The following GREB1L variants were observed in gnomAD, a reference collection of about 807,000 sequenced individuals.
GREB1L encodes GREB1-like protein.
Under a neutral mutation model 200.8 loss-of-function variants are expected in GREB1L, and 17 were observed. The ratio of observed to expected loss-of-function variants is 0.08; its 90% CI spans 0.06 to 0.13. GREB1L has a LOEUF of 0.13. Among genes scored for constraint, GREB1L ranks in the 10% least tolerant of loss-of-function variants. GREB1L has a pLI of 1.00. For missense variants in GREB1L, 1,657 were observed against 2,367.7 expected (o/e 0.70, Z 6.23); for synonymous variants, 789 against 893.0 (o/e 0.88, Z 2.08).
At position 21,522,758 on chromosome 18, in the gene GREB1L, G is replaced by A; in HGVS notation, c.5709G>A (p.Glu1903=). Residue 1903 remains glutamate (E), a synonymous_variant, in exon 33 of 33, where the codon GAG becomes GAA. Coordinates refer to ENST00000424526, the MANE Select transcript of GREB1L (RefSeq NM_001142966.3). ...EDEWQFRLRD[E]FQTANSSDDK... ...AGTGGCAGTTCCGCCTCCGGGACGA[G>A]TTTCAAACTGCTAACAGCAGTGATG... 2 of 1,551,678 alleles carry A rather than the reference G, an allele frequency of 1.3e-6. No individual in the cohort carries two copies. The highest frequency in any genetic ancestry group is 2.4e-5 in the South Asian group (2 of 84,064).
Position 21,520,812 on chromosome 18 carries a change from A to C in GREB1L, c.5597A>C (p.Lys1866Thr). 1.3e-6 allele frequency: 2 copies of C among 1,536,510 alleles called. No individual in the cohort carries two copies. Among genetic ancestry groups the C allele is most frequent in the Non-Finnish European group, 1.8e-6 (2 of 1,139,980 alleles). Residue 1866 changes from lysine to threonine, a missense_variant, in exon 32 of 33, where the codon AAA (lysine) becomes ACA (threonine). By Grantham distance (78) the Lys-to-Thr change is moderately conservative. This residue lies in a region of GREB1L where 190 missense variants were observed against 230.2 expected (regional missense o/e 0.83). Coordinates refer to ENST00000424526, the MANE Select transcript of GREB1L (RefSeq NM_001142966.3). ...GTAGGTGCTGATCTTAAGAAATTTA[A>C]ATTTCTAAAAGGTAAGTCAAATTTA... ...SFVGADLKKF[K>T]FLKGATLCVI...
At position 21,383,646 on chromosome 18, in the gene GREB1L, A is replaced by G. The variant is rs761643936; in HGVS notation, c.128A>G (p.Asp43Gly). The stretch of plus-strand genomic sequence containing the variant: ...CCAATTTTTTCCCAGCTATACCTGG[A>G]CCCTGACCAGCATCCTTTCTCATCT... The part of the protein sequence containing the change: ...PRPIFSQLYL[D>G]PDQHPFSSAD... The change falls in exon 3 of 33, where the codon GAC becomes GGC. Residue 43 changes from aspartate to glycine, a missense_variant. Around this residue, in one of 9 missense-constraint regions of GREB1L, gnomAD observed 121 missense variants for 126.6 expected, o/e 0.96. Transcript: ENST00000424526. The G allele has an allele frequency of 1.9e-6, 3 of 1,551,138 alleles. No homozygotes were observed. In the South Asian group the frequency reaches 3.6e-5, roughly 18 times the overall value.
intron 21 of GREB1L, among the ~76,000 whole-genome samples, chr18:21,498,869 G>A (rs1252197925): frequency 1.3e-5 from 2 of 152,196 alleles, no homozygotes; most frequent in African/African-American, 4.8e-5. Flanking sequence ...TGTTCATTCA[G>A]GATCTCCCAA....
At chr18:21,438,565 A>G (rs1239875445) in intron 7 of GREB1L, among the ~76,000 whole-genome samples, 2 of 151,984 alleles carry the variant, frequency 1.3e-5, no homozygotes, top group African/African-American at 4.8e-5. Flanking sequence ...GCTATTTGAG[A>G]GGCTGAAGCA....
At chr18:21,375,190 G>A (rs546764452) in intron 2 of GREB1L, among the ~76,000 whole-genome samples, 12 of 151,558 alleles carry the variant, frequency 7.9e-5, no homozygotes, top group Middle Eastern at 3.4e-3. Context: ...TCAGCCTCCC[G>A]AGTAGCTGGG....
intron 1 of GREB1L, among the ~76,000 whole-genome samples, chr18:21,245,581 GCTTA>G (rs1187551058): frequency 7.9e-5 from 12 of 151,932 alleles, no homozygotes. Flanking sequence ...TTTTTCTATA[GCTTA>G]CTTCCCATTA....
intron 1 of GREB1L, among the ~76,000 whole-genome samples, chr18:21,249,225 G>A (rs1318978508): frequency 6.6e-6 from 1 of 152,044 alleles, no homozygotes; most frequent in East Asian, 1.9e-4. Flanking sequence ...ACATGAGTAT[G>A]ACAGAGCTTT....
At chr18:21,306,438 T>A (rs1439044553) in intron 1 of GREB1L, among the ~76,000 whole-genome samples, 1 of 152,202 alleles carries the variant, frequency 6.6e-6, no homozygotes, top group African/African-American at 2.4e-5. Context: ...TAGCTTTTTC[T>A]CTTGTAATGC....
rs2037673411 is a variant in GREB1L at position 21,525,649 on chromosome 18, A to G, written c.*2828A>G. On this transcript the variant is annotated 3_prime_UTR_variant, in exon 33 of 33. Transcript: ENST00000424526. ...AACAGAACAACTTTGGGTTGCTAAA[A>G]CTAATACAAGGTGTTTGTTATTGTT... Among the ~76,000 whole-genome samples the G allele has an allele frequency of 6.6e-6, 1 of 152,190 alleles. No individual in the cohort carries two copies. The highest frequency in any genetic ancestry group is 6.5e-5 in the Admixed American group (1 of 15,278).
intron 17 of GREB1L, among the ~76,000 whole-genome samples, chr18:21,480,595 G>A (rs940669714): frequency 1.3e-5 from 2 of 152,164 alleles, no homozygotes; most frequent in African/African-American, 4.8e-5. Flanking sequence ...CTGATGATTA[G>A]CGTCCTTTAG....
At chr18:21,446,972 T>C (rs1319439875) in intron 11 of GREB1L, among the ~76,000 whole-genome samples, 5 of 152,234 alleles carry the variant, frequency 3.3e-5, no homozygotes, top group Non-Finnish European at 7.3e-5. Flanking sequence ...ATTTAAACCT[T>C]GACTTTTCCT....
intron 2 of GREB1L, among the ~76,000 whole-genome samples, chr18:21,371,484 T>TA (rs1199085251): frequency 1.4e-5 from 2 of 144,722 alleles, no homozygotes; most frequent in Non-Finnish European, 3.0e-5. Flanking sequence ...TTTTTTTTTT[T>TA]AAAGTAAAAA....
At chr18:21,417,602 C>T (rs1039379669) in intron 7 of GREB1L, among the ~76,000 whole-genome samples, 21 of 152,118 alleles carry the variant, frequency 1.4e-4, no homozygotes, top group African/African-American at 4.6e-4. Flanking sequence ...AGTTCACAAC[C>T]AGCAGACTCA....
Position 21,350,286 on chromosome 18 carries a change from G to A in GREB1L, c.-119-15741G>A, listed in dbSNP as rs112910169. Among the ~76,000 whole-genome samples, 1,159 of 148,532 alleles carry A rather than the reference G, an allele frequency of 7.8e-3. 19 individuals carry two copies. The highest frequency in any genetic ancestry group is 0.027 in the African/African-American group (1,085 of 40,226). ...AGAGTCTTACACTGTTGCCCAGGCC[G>A]GAGTGCAATGGCGTGATCTCAGCTC... On this transcript the variant is annotated intron_variant, in intron 1 of 32. Transcript: ENST00000424526.
chr18:21,365,211 A>G (rs1255232628), intron 1 of GREB1L, among the ~76,000 whole-genome samples: 1 of 152,172 alleles, frequency 6.6e-6, no homozygotes, highest in Non-Finnish European at 1.5e-5. Context: ...TTTTAGTTAT[A>G]TAGATATTTA....
chr18:21,251,430 T>C (rs2037701634), intron 1 of GREB1L, among the ~76,000 whole-genome samples: 1 of 152,160 alleles, frequency 6.6e-6, no homozygotes, highest in South Asian at 2.1e-4. Context: ...TATTATACAA[T>C]ATCCTATAAA....
chr18:21,403,947 C>T lies in GREB1L; in HGVS notation c.785C>T (p.Pro262Leu). ...TCTTCAGTGTCGTCAACTGTGACCC[C>T]AGAAAATGGGACAACTAATGGATAC... ...PSSSVSSTVT[P>L]ENGTTNGYKS... The change falls in exon 7 of 33, where the codon CCA becomes CTA. Residue 262 changes from proline (P) to leucine (L), a missense_variant. This residue lies in a region of GREB1L where 289 missense variants were observed against 345.1 expected (regional missense o/e 0.84). Transcript: ENST00000424526. The T allele has an allele frequency of 1.3e-6, 2 of 1,551,146 alleles. No homozygotes were observed. Among genetic ancestry groups the T allele is most frequent in the Non-Finnish European group, 1.7e-6 (2 of 1,146,164 alleles).
chr18:21,414,733 A>G (rs2031453951), intron 7 of GREB1L, among the ~76,000 whole-genome samples: 1 of 152,216 alleles, frequency 6.6e-6, no homozygotes. Flanking sequence ...TAGTAGGAAC[A>G]GGAAAACAAA....
In GREB1L at chr18:21,369,808, G is replaced by A. The variant is rs548725059; in HGVS notation, c.-10+3672G>A. ...CTAAATAAATACAAAAATTAGCCAA[G>A]CGTGGTGGCACGCGCCTGTAATCTC... On this transcript the variant is annotated intron_variant, in intron 2 of 32. Transcript: ENST00000424526. 4.6e-5 allele frequency among the ~76,000 whole-genome samples: 7 copies of A among 151,982 alleles called. No individual in the cohort carries two copies. The South Asian group carries it at 1.2e-3, about 27-fold the overall frequency.
Sources: gnomAD v4.1 joint callset for allele counts (sites outside exome capture counted in the v4.1 genomes callset) on GRCh38, gnomAD v4.1.1 for gene constraint, gnomAD v4.1.1 regional missense constraint, MANE v1.5 for transcripts, NCBI Gene and HGNC (gene_info 2026-07-23, HGNC 2026-07-21) for gene names.